STX11: variants seen among roughly 807,000 people sequenced by gnomAD.
STX11 encodes syntaxin 11.
A neutral mutation model predicts 19.9 loss-of-function variants in STX11; 21 were observed. The observed-to-expected ratio is 1.06, with a 90% CI of 0.75 to 1.52. The LOEUF (loss-of-function observed/expected upper bound fraction) is 1.52. Among genes scored for constraint, STX11 ranks in the 40% most tolerant of loss-of-function variants. The pLI is 0.00. For missense variants in STX11, 438 were observed against 405.9 expected (o/e 1.08, Z -0.68); for synonymous variants, 193 against 174.4 (o/e 1.11, Z -0.84).
the STX11 span, among the ~76,000 whole-genome samples, chr6:144,140,263 TTTA>T: frequency 4.4e-5 from 3 of 68,518 alleles, no homozygotes; most frequent in African/African-American, 1.0e-4. Context: ...TATTTATTTA[TTTA>T]TTTTTTGAGA....
intron 1 of STX11, among the ~76,000 whole-genome samples, chr6:144,185,346 TTAAG>T (rs1251008231): frequency 6.6e-6 from 1 of 152,196 alleles, no homozygotes; most frequent in African/African-American, 2.4e-5. Flanking sequence ...TGCGTAACCA[TTAAG>T]TGTTACTACT....
Position 144,170,513 on chromosome 6 carries a change from C to T in STX11, c.-5-16110C>T, listed in dbSNP as rs1801601177. 6.6e-6 allele frequency among the ~76,000 whole-genome samples: 1 copy of T among 151,990 alleles called. No individual in the cohort carries two copies. Among genetic ancestry groups the T allele is most frequent in the Admixed American group, 6.6e-5 (1 of 15,254 alleles). On this transcript the variant is annotated intron_variant, in intron 1 of 1. Transcript: ENST00000367568. This position sits in a 1 kb window ranked among gnomAD's most constrained non-coding sequence, Gnocchi z 4.7. Reference sequence around the variant, plus strand: ...AGGAGGTCAAGTGTGGAATAGTCCCCTTGTGGCCAATGCTCAAAAAGTTTT... The same window carrying T: ...AGGAGGTCAAGTGTGGAATAGTCCCTTTGTGGCCAATGCTCAAAAAGTTTT...
chr6:144,186,478 A>C, intron 1 of STX11, 145 bp from the exon 2 acceptor site: 1 of 959,370 alleles, frequency 1.0e-6, no homozygotes, highest in East Asian at 2.6e-5. Context: ...AAATGTCAGA[A>C]CATTTAGCTC....
chr6:144,161,453 C>T (rs1009256250), intron 1 of STX11, among the ~76,000 whole-genome samples: 5 of 152,130 alleles, frequency 3.3e-5, no homozygotes, highest in Admixed American at 1.3e-4. Context: ...CTGCAACCCC[C>T]GCCTCCCAGG....
Position 144,187,261 on chromosome 6 carries a change from C to A in STX11, c.634C>A (p.Arg212Ser), listed in dbSNP as rs1279778517. 6.2e-7 allele frequency: 1 copy of A among 1,613,638 alleles called. No homozygotes were observed. The highest frequency in any genetic ancestry group is 8.5e-7 in the Non-Finnish European group (1 of 1,179,972). ...CCTCAACGAGATCGAGAGCCGCCAC[C>A]GCGAACTGCTGCGCCTGGAGAGCCG... ...AALNEIESRH[R>S]ELLRLESRIR... Residue 212 changes from arginine (R) to serine (S), a missense_variant, in exon 2 of 2, where the codon CGC (arginine) becomes AGC (serine). By Grantham distance (110) the Arg-to-Ser change is moderately radical. Transcript: ENST00000367568. The surrounding 1 kb of genome is among the most constrained non-coding windows in gnomAD (Gnocchi z 5.6).
chr6:144,191,679 T>C lies in STX11; in HGVS notation c.*4188T>C, dbSNP rs765919361. Among the ~76,000 whole-genome samples, 9 of 152,214 alleles carry C rather than the reference T, an allele frequency of 5.9e-5. No individual in the cohort carries two copies. The highest frequency in any genetic ancestry group is 3.3e-4 in the Admixed American group (5 of 15,282). On this transcript the variant is annotated 3_prime_UTR_variant, in exon 2 of 2. Coordinates refer to ENST00000367568, the MANE Select transcript of STX11 (RefSeq NM_003764.4). ...CAGCATGCAACTCATTCATTTGTAA[T>C]CAAGACGATAGTTTGAAACACCCAA...
At position 144,172,840 on chromosome 6, in the gene STX11, T is replaced by A. The variant is rs948900045; in HGVS notation, c.-5-13783T>A. Among the ~76,000 whole-genome samples the A allele has an allele frequency of 1.3e-5, 2 of 150,392 alleles. No homozygotes were observed. The highest frequency in any genetic ancestry group is 1.3e-4 in the Admixed American group (2 of 14,998). On this transcript the variant is annotated intron_variant, in intron 1 of 1. Transcript: ENST00000367568. The surrounding 1 kb of genome is among the most constrained non-coding windows in gnomAD (Gnocchi z 4.2). Reference sequence around the variant, plus strand: ...GTCTTTCCCATACACATCCAACATATAATGATGAGATAGGAAAAGGATAAC... The same window carrying A: ...GTCTTTCCCATACACATCCAACATAAAATGATGAGATAGGAAAAGGATAAC...
At chr6:144,140,749 C>T in the STX11 span, 1 of 985,226 alleles carries the variant, frequency 1.0e-6, no homozygotes, top group Non-Finnish European at 1.2e-6. Flanking sequence ...GGAGCAGCCT[C>T]AAGGGGATGA....
chr6:144,191,364 T>C lies in STX11; in HGVS notation c.*3873T>C, dbSNP rs1026776322. Among the ~76,000 whole-genome samples the C allele has an allele frequency of 7.3e-5, 11 of 150,908 alleles. No individual in the cohort carries two copies. Among genetic ancestry groups the C allele is most frequent in the African/African-American group, 2.7e-4 (11 of 40,862 alleles). ...ATCACAGAAGTAATTTTATGGCCTTTTAAGGTAACAACTTAAAAAGAGAAC... is the reference window on the plus strand; with the variant it reads ...ATCACAGAAGTAATTTTATGGCCTTCTAAGGTAACAACTTAAAAAGAGAAC... On this transcript the variant is annotated 3_prime_UTR_variant, in exon 2 of 2. Coordinates refer to ENST00000367568, the MANE Select transcript of STX11 (RefSeq NM_003764.4).
In STX11 at chr6:144,184,668, A is replaced by G. The variant is rs1801983792; in HGVS notation, c.-5-1955A>G. Among the ~76,000 whole-genome samples, 1 of 152,166 alleles carries G rather than the reference A, an allele frequency of 6.6e-6. No individual in the cohort carries two copies. Among genetic ancestry groups the G allele is most frequent in the Non-Finnish European group, 1.5e-5 (1 of 68,036 alleles). Reference sequence around the variant, plus strand: ...CTTGAGTAAATTCCTTGATCTCCCTATGCTCACACCAACTCTGATAATGGC... The same window carrying G: ...CTTGAGTAAATTCCTTGATCTCCCTGTGCTCACACCAACTCTGATAATGGC... On this transcript the variant is annotated intron_variant, in intron 1 of 1. Transcript: ENST00000367568. The surrounding 1 kb of genome is among the most constrained non-coding windows in gnomAD (Gnocchi z 6.5).
rs936236765 is a variant in STX11 at position 144,151,068 on chromosome 6, T to C, written c.-6+365T>C. Among the ~76,000 whole-genome samples, 181 of 152,290 alleles carry C rather than the reference T, an allele frequency of 1.2e-3. 5 individuals are homozygous for C. Among genetic ancestry groups the C allele is most frequent in the Non-Finnish European group, 1.0e-4 (7 of 68,032 alleles). The stretch of plus-strand genomic sequence containing the variant: ...TTTTAAATCGAAAGGCTGGAGTGTT[T>C]TTTTATTATCACCTCTTCACTTCCT... On this transcript the variant is annotated intron_variant, in intron 1 of 1. Transcript: ENST00000367568. This position sits in a 1 kb window ranked among gnomAD's most constrained non-coding sequence, Gnocchi z 4.6.
At chr6:144,150,185 A>C (rs1433407671), upstream of STX11, among the ~76,000 whole-genome samples, 1 of 152,342 alleles carries the variant, frequency 6.6e-6, no homozygotes, top group East Asian at 1.9e-4. Flanking sequence ...CCGGACTGCA[A>C]ATGTCACCAG....
chr6:144,178,165 T>C (rs1801820657), intron 1 of STX11, among the ~76,000 whole-genome samples: 1 of 152,202 alleles, frequency 6.6e-6, no homozygotes, highest in Non-Finnish European at 1.5e-5. Context: ...CTTTGTGGAT[T>C]ACGGATGGAT....
rs544581926 is a variant in STX11 at position 144,177,772 on chromosome 6, C to A, written c.-5-8851C>A. ...CTCAAAAAAAAGAAGAAAGAAAGCT[C>A]ATCTACTGTCCTTTCCTGCTGTGGC... On this transcript the variant is annotated intron_variant, in intron 1 of 1. Transcript: ENST00000367568. This position sits in a 1 kb window ranked among gnomAD's most constrained non-coding sequence, Gnocchi z 4.4. Among the ~76,000 whole-genome samples, 4 of 152,158 alleles carry A rather than the reference C, an allele frequency of 2.6e-5. No individual in the cohort carries two copies. The highest frequency in any genetic ancestry group is 9.7e-5 in the African/African-American group (4 of 41,440).
At chr6:144,139,965 C>T in the STX11 span, among the ~76,000 whole-genome samples, 1 of 151,812 alleles carries the variant, frequency 6.6e-6, no homozygotes, top group Non-Finnish European at 1.5e-5. Context: ...TCAGCTACAG[C>T]AGCCTGCTTT....
Position 144,186,782 on chromosome 6 carries a change from A to G in STX11, c.155A>G (p.Gln52Arg). Residue 52 changes from glutamine (Q) to arginine (R), a missense_variant, in exon 2 of 2, where the codon CAG becomes CGG. Transcript: ENST00000367568. The part of the protein sequence containing the change: ...ESLYRDIRDI[Q>R]DENQLLVADV... ...CTGTACCGAGACATCCGGGACATTC[A>G]GGATGAAAACCAGCTGCTGGTGGCC... is the stretch of plus-strand genomic sequence containing the variant. 1 of 1,614,008 alleles carries G rather than the reference A, an allele frequency of 6.2e-7. No homozygotes were observed. The highest frequency in any genetic ancestry group is 1.1e-5 in the South Asian group (1 of 91,074).
intron 1 of STX11, among the ~76,000 whole-genome samples, chr6:144,178,374 G>T (rs957941306): frequency 6.6e-6 from 1 of 152,238 alleles, no homozygotes. Flanking sequence ...AATGTTCACT[G>T]TAGAGCAGAA....
rs770363236 is a variant in STX11, at chr6:144,187,516, C to A, written c.*25C>A. On this transcript the variant is annotated 3_prime_UTR_variant, in exon 2 of 2. Coordinates refer to ENST00000367568, the MANE Select transcript of STX11 (RefSeq NM_003764.4). The surrounding 1 kb of genome is among the most constrained non-coding windows in gnomAD (Gnocchi z 5.6). ...GCAGGCCGGCCCGGGCCGCCACCGC[C>A]CATCCCAGACCATGGAGCGCGCTGG... 1 of 1,611,724 alleles carries A rather than the reference C, an allele frequency of 6.2e-7. No homozygotes were observed. Among genetic ancestry groups the A allele is most frequent in the Non-Finnish European group, 8.5e-7 (1 of 1,179,900 alleles).
rs1296504902 is a variant in STX11 at position 144,162,949 on chromosome 6, A to G, written c.-6+12246A>G. 6.6e-6 allele frequency among the ~76,000 whole-genome samples: 1 copy of G among 152,192 alleles called. No individual in the cohort carries two copies. Among genetic ancestry groups the G allele is most frequent in the African/African-American group, 2.4e-5 (1 of 41,458 alleles). On this transcript the variant is annotated intron_variant, in intron 1 of 1. Transcript: ENST00000367568. The surrounding 1 kb of genome is among the most constrained non-coding windows in gnomAD (Gnocchi z 4.6). ...TGTGTGTAAATACCTTTTGAGGTTC[A>G]TTGTCTTATTCTAGTTTGCTCAGTG...
Sources: gnomAD v4.1 joint callset for allele counts (sites outside exome capture counted in the v4.1 genomes callset) on GRCh38, gnomAD v4.1.1 for gene constraint, Gnocchi (gnomAD v3.1) non-coding constraint, MANE v1.5 for transcripts, NCBI Gene and HGNC (gene_info 2026-07-23, HGNC 2026-07-21) for gene names.